SGK2: variants seen among roughly 807,000 people sequenced by gnomAD.
The protein encoded by SGK2 is serum/glucocorticoid regulated kinase 2.
Under a neutral mutation model 47.5 loss-of-function variants are expected in SGK2, and 36 were observed. The ratio of observed to expected loss-of-function variants is 0.76; its 90% CI spans 0.58 to 1.00. The LOEUF (loss-of-function observed/expected upper bound fraction) is 1.00. SGK2 is among the 50% of genes least tolerant of loss of function. The pLI, the probability that SGK2 is intolerant of heterozygous loss-of-function variation, is 0.00. For missense variants in SGK2, 404 were observed against 467.4 expected (o/e 0.86, Z 1.25); for synonymous variants, 157 against 181.9 (o/e 0.86, Z 1.10).
At chr20:43,568,333 C>G (rs990855305) in intron 5 of SGK2, among the ~76,000 whole-genome samples, 1 of 152,192 alleles carries the variant, frequency 6.6e-6, no homozygotes, top group Non-Finnish European at 1.5e-5. Flanking sequence ...CTCTGAAGAC[C>G]CTTCATGCCA....
At chr20:43,565,392 G>C (rs1047741946) in intron 1 of SGK2, 2 of 152,404 alleles carry the variant, frequency 1.3e-5, no homozygotes, top group Admixed American at 1.3e-4. Context: ...CACACGTCTG[G>C]CATTGGCTAG....
At chr20:43,583,229 T>C (rs1056259161) in intron 12 of SGK2, 4 of 1,289,762 alleles carry the variant, frequency 3.1e-6, no homozygotes, top group Non-Finnish European at 4.0e-6. Context: ...CGTTGGGATT[T>C]TAAAAAGACA....
At chr20:43,571,097 GTGTGTA>G (rs765897813) in intron 8 of SGK2, 37 bp downstream of exon 8, 6 of 1,558,324 alleles carry the variant, frequency 3.9e-6, no homozygotes, top group Admixed American at 1.7e-5. Context: ...GTGTGTGTGT[GTGTGTA>G]TGTGGTTGCA....
At position 43,585,172 on chromosome 20, in the gene SGK2, G is replaced by A; in HGVS notation, c.*156G>A. The A allele has an allele frequency of 1.6e-6, 1 of 628,488 alleles. No individual in the cohort carries two copies. Among genetic ancestry groups the A allele is most frequent in the Admixed American group, 3.1e-5 (1 of 32,764 alleles). 38.9% of individuals were successfully genotyped at this position (628,488 alleles called of 1,614,324 possible). On this transcript the variant is annotated 3_prime_UTR_variant, in exon 13 of 13. Coordinates refer to ENST00000373100, the MANE Select transcript of SGK2 (RefSeq NM_170693.3). ...AGAAAAATAATGTTTCGGAGTCCAG[G>A]ACTGGCAGGACAGGTCATCAGATAC...
intron 12 of SGK2, among the ~76,000 whole-genome samples, chr20:43,582,451 G>A (rs781693361): frequency 6.6e-5 from 10 of 151,916 alleles, no homozygotes; most frequent in Non-Finnish European, 1.3e-4. Context: ...GCAGTGGCAC[G>A]ATCTCAGCTC....
chr20:43,570,682 G>A lies in SGK2; in HGVS notation c.426G>A (p.Glu142=), dbSNP rs1489189730. The change falls in exon 7 of 13, where the codon GAG becomes GAA. Residue 142 remains glutamate (E), a synonymous_variant. Transcript: ENST00000373100. ...LEPRARFYAA[E]VASAIGYLHS... ...CCCGGGCCAGGTTCTACGCTGCTGA[G>A]GTGGCCAGCGCCATTGGCTACCTGC... is the stretch of plus-strand genomic sequence containing the variant. The A allele has an allele frequency of 2.5e-6, 4 of 1,613,490 alleles. No individual in the cohort carries two copies. Among genetic ancestry groups the A allele is most frequent in the African/African-American group, 1.3e-5 (1 of 74,930 alleles).
intron 8 of SGK2, among the ~76,000 whole-genome samples, chr20:43,571,519 G>A (rs1600992872): frequency 1.3e-5 from 2 of 152,338 alleles, no homozygotes; most frequent in East Asian, 1.9e-4. Context: ...CTGAGCTGGG[G>A]TGGGTCTCTA....
Position 43,567,935 on chromosome 20 carries a change from A to T in SGK2, c.164A>T (p.Lys55Met). 1 of 1,614,202 alleles carries T rather than the reference A, an allele frequency of 6.2e-7. No homozygotes were observed. Among genetic ancestry groups the T allele is most frequent in the Admixed American group, 1.7e-5 (1 of 60,018 alleles). The change falls in exon 5 of 13, where the codon AAG (lysine) becomes ATG (methionine). Residue 55 changes from lysine (K) to methionine (M), a missense_variant. Transcript: ENST00000373100. ...NYGKVLLAKR[K>M]SDGAFYAVKV... is the part of the protein sequence containing the mutation. ...TCTCAGGTCCTACTGGCCAAGCGCA[A>T]GTCTGATGGGGCGTTCTATGCAGTG...
intron 9 of SGK2, among the ~76,000 whole-genome samples, chr20:43,573,197 C>A (rs1053821869): frequency 2.6e-5 from 4 of 152,196 alleles, no homozygotes; most frequent in African/African-American, 9.6e-5. Context: ...GAAGTTAAAA[C>A]CTTTCTTTGG....
intron 6 of SGK2, among the ~76,000 whole-genome samples, chr20:43,570,388 T>C (rs895882726): frequency 1.7e-4 from 26 of 152,210 alleles, no homozygotes; most frequent in African/African-American, 6.3e-4. Context: ...ACTTGGAACC[T>C]GGAACACAGG....
chr20:43,568,224 C>G (rs998333462), intron 5 of SGK2, among the ~76,000 whole-genome samples: 15 of 152,220 alleles, frequency 9.9e-5, no homozygotes, highest in African/African-American at 3.6e-4. Context: ...CCTGGCTTTG[C>G]CTTCCCCTGG....
chr20:43,566,615 C>T (rs1979736705), intron 2 of SGK2, 84 bp downstream of exon 2: 2 of 986,622 alleles, frequency 2.0e-6, no homozygotes, highest in Non-Finnish European at 3.1e-6. Flanking sequence ...CAGACAATGT[C>T]AGGGGCTGAG....
At position 43,576,368 on chromosome 20, in the gene SGK2, A is replaced by C; in HGVS notation, c.838A>C (p.Lys280Gln). The C allele has an allele frequency of 6.2e-7, 1 of 1,614,080 alleles. No homozygotes were observed. Among genetic ancestry groups the C allele is most frequent in the East Asian group, 2.2e-5 (1 of 44,886 alleles). ...HKDQRQRLGS[K>Q]ADFLEIKNHV... ...GGACCAGAGGCAGCGGCTGGGCTCC[A>C]AAGCAGACTTTGTAGGTGACCTACC... Residue 280 changes from lysine to glutamine, a missense_variant, in exon 11 of 13, where the codon AAA (lysine) becomes CAA (glutamine). Physicochemically the swap from Lys to Gln is moderately conservative, Grantham distance 53 (BLOSUM62 1). Transcript: ENST00000373100.
intron 2 of SGK2, among the ~76,000 whole-genome samples, chr20:43,566,736 AC>A (rs1979748082): frequency 6.6e-6 from 1 of 152,148 alleles, no homozygotes; most frequent in East Asian, 1.9e-4. Flanking sequence ...TCATGGAGAC[AC>A]CTGGGTCGTA....
intron 7 of SGK2, 65 bp downstream of exon 7, chr20:43,570,794 G>A: frequency 7.4e-7 from 1 of 1,359,162 alleles, no homozygotes; most frequent in Non-Finnish European, 1.0e-6. Flanking sequence ...TAGGGGTTGT[G>A]TGGACACTAA....
At chr20:43,568,965 G>C (rs1260089981) in intron 5 of SGK2, among the ~76,000 whole-genome samples, 1 of 152,188 alleles carries the variant, frequency 6.6e-6, no homozygotes, top group Non-Finnish European at 1.5e-5. Context: ...GGTGCAGCTG[G>C]CCTTGATGGT....
At chr20:43,562,701 T>C (rs1979466558) in intron 1 of SGK2, among the ~76,000 whole-genome samples, 1 of 151,994 alleles carries the variant, frequency 6.6e-6, no homozygotes, top group East Asian at 1.9e-4. Context: ...GATTGTGCCA[T>C]TGCACTCCAG....
intron 1 of SGK2, among the ~76,000 whole-genome samples, chr20:43,563,152 A>T (rs1448201823): frequency 2.0e-5 from 3 of 151,494 alleles, no homozygotes; most frequent in Admixed American, 1.3e-4. Context: ...AAAAAAAAGA[A>T]AGAAAGAAAA....
chr20:43,566,265 G>T, intron 1 of SGK2: 1 of 1,409,454 alleles, frequency 7.1e-7, no homozygotes, highest in East Asian at 2.3e-5. Flanking sequence ...TCCCTTCTGA[G>T]ATGTTTGTTA....
Sources: allele counts gnomAD v4.1 joint callset (sites outside exome capture counted in the v4.1 genomes callset), GRCh38; gene constraint gnomAD v4.1.1; transcripts MANE v1.5; gene names NCBI Gene and HGNC (gene_info 2026-07-23, HGNC 2026-07-21).